Variants in WDR72 observed in about 807,000 individuals in gnomAD.
The protein encoded by WDR72 is WD repeat-containing protein 72.
Under a neutral mutation model 124.2 loss-of-function variants are expected in WDR72, and 120 were observed. The observed-to-expected ratio is 0.97, with a 90% CI of 0.83 to 1.12. The LOEUF is 1.12. WDR72 is among the 50% of genes most tolerant of loss of function. WDR72 has a pLI of 0.00. For synonymous variants in WDR72, 452 were observed against 441.7 expected (o/e 1.02, Z -0.29); for missense variants, 1,387 against 1,278.8 (o/e 1.08, Z -1.29).
At chr15:53,589,478 A>G (rs1371224041) in intron 18 of WDR72, among the ~76,000 whole-genome samples, 1 of 151,922 alleles carries the variant, frequency 6.6e-6, no homozygotes, top group Non-Finnish European at 1.5e-5. Flanking sequence ...TCTAAGTAAG[A>G]GATCATTTTA....
intron 18 of WDR72, among the ~76,000 whole-genome samples, chr15:53,547,430 CCT>C (rs1197614281): frequency 6.6e-6 from 1 of 152,150 alleles, no homozygotes; most frequent in Non-Finnish European, 1.5e-5. Context: ...CCGTGCCTGG[CCT>C]GTTACTATTA....
At chr15:53,671,496 T>TAGAAAG (rs1595836200) in intron 13 of WDR72, among the ~76,000 whole-genome samples, 2 of 152,340 alleles carry the variant, frequency 1.3e-5, no homozygotes, top group East Asian at 3.9e-4. Context: ...ATGAGCTTGG[T>TAGAAAG]ACAAAGCAGG....
chr15:53,605,560 G>A (rs1217069522), intron 17 of WDR72, among the ~76,000 whole-genome samples: 2 of 152,188 alleles, frequency 1.3e-5, no homozygotes, highest in South Asian at 2.1e-4. Context: ...GGCTTTATAA[G>A]TAATTTGAGG....
At chr15:53,634,383 C>T (rs1035007273) in intron 14 of WDR72, among the ~76,000 whole-genome samples, 1 of 152,164 alleles carries the variant, frequency 6.6e-6, no homozygotes, top group Non-Finnish European at 1.5e-5. Context: ...AAAGCCTGTC[C>T]CCTCTAACCC....
chr15:53,757,983 C>A (rs559711627), intron 1 of WDR72, among the ~76,000 whole-genome samples: 169 of 71,500 alleles, frequency 2.4e-3, no homozygotes, highest in African/African-American at 6.1e-3. Context: ...TATTTTCTCT[C>A]TCTCTCTCTC....
At chr15:53,539,152 C>T (rs895545399) in intron 18 of WDR72, among the ~76,000 whole-genome samples, 1 of 152,044 alleles carries the variant, frequency 6.6e-6, no homozygotes, top group Non-Finnish European at 1.5e-5. Context: ...GCAAAATTGA[C>T]TTTTAACTAG....
chr15:53,734,617 T>G (rs1200931144), intron 1 of WDR72, among the ~76,000 whole-genome samples: 3 of 152,024 alleles, frequency 2.0e-5, no homozygotes, highest in South Asian at 2.1e-4. Context: ...GTATTAGAAC[T>G]AAATTAGTAT....
chr15:53,571,235 T>G (rs959142413), intron 18 of WDR72, among the ~76,000 whole-genome samples: 1 of 152,082 alleles, frequency 6.6e-6, no homozygotes, highest in South Asian at 2.1e-4. Flanking sequence ...AAACTTAGTA[T>G]CAAGCACTAT....
At chr15:53,625,457 G>A (rs1440295650) in intron 14 of WDR72, among the ~76,000 whole-genome samples, 1 of 152,192 alleles carries the variant, frequency 6.6e-6, no homozygotes, top group Non-Finnish European at 1.5e-5. Flanking sequence ...AAGCAAGAGG[G>A]TGGCACTAAA....
At chr15:53,587,473 A>G (rs1234397047) in intron 18 of WDR72, among the ~76,000 whole-genome samples, 1 of 151,988 alleles carries the variant, frequency 6.6e-6, no homozygotes, top group Non-Finnish European at 1.5e-5. Flanking sequence ...TATATCTTTC[A>G]GTGTAGTCAT....
intron 13 of WDR72, among the ~76,000 whole-genome samples, chr15:53,681,198 A>G (rs1344309706): frequency 6.6e-6 from 1 of 152,236 alleles, no homozygotes; most frequent in Non-Finnish European, 1.5e-5. Context: ...AACAATCATT[A>G]CAGTCCACTG....
intron 1 of WDR72, among the ~76,000 whole-genome samples, chr15:53,750,186 A>G (rs2018740840): frequency 6.6e-6 from 1 of 152,162 alleles, no homozygotes; most frequent in African/African-American, 2.4e-5. Flanking sequence ...GCTTCAAAGG[A>G]CAAGCTGACT....
intron 19 of WDR72, among the ~76,000 whole-genome samples, chr15:53,520,576 T>G (rs1375581928): frequency 6.6e-6 from 1 of 152,032 alleles, no homozygotes; most frequent in East Asian, 1.9e-4. Flanking sequence ...TCGAGGACAT[T>G]TTCCCAAATC....
At chr15:53,748,866 C>G (rs1284141224) in intron 1 of WDR72, among the ~76,000 whole-genome samples, 3 of 152,092 alleles carry the variant, frequency 2.0e-5, no homozygotes, top group African/African-American at 7.2e-5. Context: ...TCTTTGGTCC[C>G]TTTGCCTTTG....
At chr15:53,684,201 G>A (rs1314179108) in intron 13 of WDR72, 1 of 152,256 alleles carries the variant, frequency 6.6e-6, no homozygotes, top group African/African-American at 2.4e-5. Context: ...AGAATTGCCG[G>A]AGGAGCCAAG....
chr15:53,609,900 A>G (rs2140358857), intron 16 of WDR72, among the ~76,000 whole-genome samples: 1 of 152,160 alleles, frequency 6.6e-6, no homozygotes, highest in East Asian at 1.9e-4. Context: ...TTATACTAAC[A>G]CATATTCACA....
At position 53,676,470 on chromosome 15, in the gene WDR72, G is replaced by A. The variant is rs139149530; in HGVS notation, c.1766-10702C>T. Among the ~76,000 whole-genome samples, 668 of 152,326 alleles carry A rather than the reference G, an allele frequency of 4.4e-3. 3 individuals are homozygous for A. Among genetic ancestry groups the A allele is most frequent in the African/African-American group, 0.015 (636 of 41,580 alleles). On this transcript the variant is annotated intron_variant, in intron 13 of 19. Coordinates refer to ENST00000360509, the MANE Select transcript of WDR72 (RefSeq NM_182758.4). ...GAAGTCGAGATTTAAAACATTGGAAGTATTTGATGTGCCATTGCTAGCTTG... is the reference window on the plus strand; with the variant it reads ...GAAGTCGAGATTTAAAACATTGGAAATATTTGATGTGCCATTGCTAGCTTG...
intron 14 of WDR72, among the ~76,000 whole-genome samples, chr15:53,625,702 G>C (rs1253898254): frequency 6.7e-6 from 1 of 150,084 alleles, no homozygotes; most frequent in Admixed American, 6.7e-5. Context: ...CAAGAGCCCA[G>C]AATAATTAAA....
intron 6 of WDR72, 148 bp from the exon 7 acceptor site, chr15:53,713,039 A>C (rs2017591669): frequency 1.2e-6 from 1 of 859,812 alleles, no homozygotes; most frequent in African/African-American, 1.7e-5. Flanking sequence ...TTGAACTAAG[A>C]AGTTACTTGG....
Sources: allele counts gnomAD v4.1 joint callset (sites outside exome capture counted in the v4.1 genomes callset), GRCh38; gene constraint gnomAD v4.1.1; transcripts MANE v1.5; gene names NCBI Gene and HGNC (gene_info 2026-07-23, HGNC 2026-07-21).